MAP3K4: variants seen among roughly 807,000 people sequenced by gnomAD.
MAP3K4 encodes MAP three kinase 1.
Under a neutral mutation model 185.6 loss-of-function variants are expected in MAP3K4, and 67 were observed. The observed-to-expected ratio is 0.36, with a 90% CI of 0.30 to 0.44. The LOEUF (loss-of-function observed/expected upper bound fraction) is 0.44. MAP3K4 is among the 20% of genes least tolerant of loss of function. MAP3K4 has a pLI of 1.00. For missense variants in MAP3K4, 1,551 were observed against 1,995.1 expected (o/e 0.78, Z 4.24); for synonymous variants, 702 against 710.4 (o/e 0.99, Z 0.19).
In MAP3K4 at chr6:161,077,131, G is replaced by GAGATTAC. The variant is rs1785213040; in HGVS notation, c.2097+3524_2097+3525insACAGATT. Among the ~76,000 whole-genome samples the GAGATTAC allele has an allele frequency of 6.6e-6, 1 of 152,090 alleles. No homozygotes were observed. Among genetic ancestry groups the GAGATTAC allele is most frequent in the Non-Finnish European group, 1.5e-5 (1 of 68,032 alleles). On this transcript the variant is annotated intron_variant, in intron 5 of 26. Coordinates refer to ENST00000392142, the MANE Select transcript of MAP3K4 (RefSeq NM_005922.4). The surrounding 1 kb of genome is among the most constrained non-coding windows in gnomAD (Gnocchi z 4.3). ...CTATATATTGTAGTTTCTGTAATAA[G>GAGATTAC]AGATTGTTTTAAAAAGCGTATAGAC...
intron 1 of MAP3K4, among the ~76,000 whole-genome samples, chr6:161,028,102 C>A (rs767310757): frequency 6.6e-6 from 1 of 152,226 alleles, no homozygotes. Flanking sequence ...AAAGCAGTCA[C>A]AAAGTCATTC....
intron 2 of MAP3K4, among the ~76,000 whole-genome samples, chr6:161,035,691 C>T (rs1006386277): frequency 6.6e-6 from 1 of 152,154 alleles, no homozygotes; most frequent in Non-Finnish European, 1.5e-5. Context: ...TACATTTTCT[C>T]AAAGAAATTT....
chr6:161,033,677 G>A (rs1421433014), intron 1 of MAP3K4, among the ~76,000 whole-genome samples: 1 of 152,040 alleles, frequency 6.6e-6, no homozygotes, highest in Non-Finnish European at 1.5e-5. Flanking sequence ...CATAATGTCT[G>A]CACTGTAATT....
At chr6:161,052,201 C>T in intron 3 of MAP3K4, among the ~76,000 whole-genome samples, 1 of 146,592 alleles carries the variant, frequency 6.8e-6, no homozygotes, top group Non-Finnish European at 1.5e-5. Flanking sequence ...TCTCCAGGCT[C>T]TTCGTGGTGA....
In MAP3K4 at chr6:161,061,567, A is replaced by G. The variant is rs547907203; in HGVS notation, c.1708-9041A>G. ...CATCCTCACTGTGTAACTTTGGAAC[A>G]TTTTCATTGCCCCTAAAAGAAGTCC... On this transcript the variant is annotated intron_variant, in intron 3 of 26. Coordinates refer to ENST00000392142, the MANE Select transcript of MAP3K4 (RefSeq NM_005922.4). The surrounding 1 kb of genome is among the most constrained non-coding windows in gnomAD (Gnocchi z 4.2). Among the ~76,000 whole-genome samples, 1 of 152,308 alleles carries G rather than the reference A, an allele frequency of 6.6e-6. No individual in the cohort carries two copies. Among genetic ancestry groups the G allele is most frequent in the Admixed American group, 6.5e-5 (1 of 15,296 alleles).
At chr6:161,010,304 G>A (rs911891404) in intron 1 of MAP3K4, among the ~76,000 whole-genome samples, 4 of 152,014 alleles carry the variant, frequency 2.6e-5, no homozygotes, top group Admixed American at 2.0e-4. Context: ...TCATAAAATT[G>A]TATGCTTATC....
intron 3 of MAP3K4, among the ~76,000 whole-genome samples, chr6:161,069,477 C>T (rs780273413): frequency 6.6e-6 from 1 of 151,996 alleles, no homozygotes; most frequent in Non-Finnish European, 1.5e-5. Flanking sequence ...GAGAGTGTCA[C>T]GTGGAGGCAG....
In MAP3K4 at chr6:161,043,712, AGT is replaced by A. The variant is rs1783595465; in HGVS notation, c.344-4902_344-4901del. Among the ~76,000 whole-genome samples, 1 of 152,248 alleles carries A rather than the reference AGT, an allele frequency of 6.6e-6. No homozygotes were observed. Among genetic ancestry groups the A allele is most frequent in the South Asian group, 2.1e-4 (1 of 4,830 alleles). ...GATACGTGCACTTTAGCAGGAACGC[AGT>A]GATTTCGAACATACACTGAAATTTG... On this transcript the variant is annotated intron_variant, in intron 2 of 26. Coordinates refer to ENST00000392142, the MANE Select transcript of MAP3K4 (RefSeq NM_005922.4). This position sits in a 1 kb window ranked among gnomAD's most constrained non-coding sequence, Gnocchi z 4.3.
chr6:161,045,737 G>T (rs1783702156), intron 2 of MAP3K4, among the ~76,000 whole-genome samples: 1 of 152,100 alleles, frequency 6.6e-6, no homozygotes, highest in African/African-American at 2.4e-5. Flanking sequence ...ATTATAAATT[G>T]TATGCAGATA....
Position 161,049,618 on chromosome 6 carries a change from G to C in MAP3K4, c.1346G>C (p.Gly449Ala). Residue 449 changes from glycine (G) to alanine (A), a missense_variant, in exon 3 of 27, where the codon GGA (glycine) becomes GCA (alanine). Coordinates refer to ENST00000392142, the MANE Select transcript of MAP3K4 (RefSeq NM_005922.4). This position sits in a 1 kb window ranked among gnomAD's most constrained non-coding sequence, Gnocchi z 8.4. ...EPEYEGDDTE[G>A]ELKELESSTD... The stretch of plus-strand genomic sequence containing the variant: ...GAGTATGAGGGTGATGACACAGAAG[G>C]AGAATTAAAGGAGTTGGAAAGTAGT... 1 of 1,614,174 alleles carries C rather than the reference G, an allele frequency of 6.2e-7. No individual in the cohort carries two copies. The highest frequency in any genetic ancestry group is 2.2e-5 in the East Asian group (1 of 44,882).
In MAP3K4 at chr6:161,100,349, C is replaced by G. The variant is rs371176626; in HGVS notation, c.3675-1543C>G. 6.6e-6 allele frequency among the ~76,000 whole-genome samples: 1 copy of G among 152,182 alleles called. No individual in the cohort carries two copies. The highest frequency in any genetic ancestry group is 2.4e-5 in the African/African-American group (1 of 41,444). On this transcript the variant is annotated intron_variant, in intron 17 of 26. Coordinates refer to ENST00000392142, the MANE Select transcript of MAP3K4 (RefSeq NM_005922.4). This position sits in a 1 kb window ranked among gnomAD's most constrained non-coding sequence, Gnocchi z 5.8. ...ACAGCCATGGGGTGTAGCCCTTGCC[C>G]GTCTTACAGATACATCAAAGTTCAA...
chr6:160,994,503 A>G (rs1177130756), intron 1 of MAP3K4, among the ~76,000 whole-genome samples: 1 of 152,112 alleles, frequency 6.6e-6, no homozygotes, highest in African/African-American at 2.4e-5. Flanking sequence ...CATGGTGTAT[A>G]TATGCCACAT....
At chr6:161,006,637 A>T (rs1406300776) in intron 1 of MAP3K4, among the ~76,000 whole-genome samples, 1 of 152,194 alleles carries the variant, frequency 6.6e-6, no homozygotes, top group Non-Finnish European at 1.5e-5. Context: ...AGCCAGTCAG[A>T]ATTGAGCTCT....
At chr6:161,041,499 C>G (rs970557018) in intron 2 of MAP3K4, among the ~76,000 whole-genome samples, 4 of 152,310 alleles carry the variant, frequency 2.6e-5, no homozygotes, top group Admixed American at 1.3e-4. Context: ...GGACTTGCCT[C>G]TAGGGGCTCA....
chr6:161,061,841 TTTG>T lies in MAP3K4; in HGVS notation c.1708-8763_1708-8761del, dbSNP rs1324900309. 2.0e-5 allele frequency among the ~76,000 whole-genome samples: 3 copies of T among 152,212 alleles called. No homozygotes were observed. The highest frequency in any genetic ancestry group is 7.2e-5 in the African/African-American group (3 of 41,448). ...ATTCCATTGTATGGCTATACCACGTTTTGTTGATCTATTCATAGATTTCTTAAA... is the reference window on the plus strand; with the variant it reads ...ATTCCATTGTATGGCTATACCACGTTTTGATCTATTCATAGATTTCTTAAA... On this transcript the variant is annotated intron_variant, in intron 3 of 26. Coordinates refer to ENST00000392142, the MANE Select transcript of MAP3K4 (RefSeq NM_005922.4). The surrounding 1 kb of genome is among the most constrained non-coding windows in gnomAD (Gnocchi z 4.2).
intron 1 of MAP3K4, among the ~76,000 whole-genome samples, chr6:160,997,930 C>A (rs1052118586): frequency 5.3e-5 from 8 of 152,158 alleles, no homozygotes; most frequent in African/African-American, 1.9e-4. Flanking sequence ...GAGCTAGCTT[C>A]CTGAAGCTCC....
At chr6:161,005,132 A>G (rs1781519556) in intron 1 of MAP3K4, among the ~76,000 whole-genome samples, 1 of 151,726 alleles carries the variant, frequency 6.6e-6, no homozygotes, top group African/African-American at 2.4e-5. Flanking sequence ...ACACAAAAGT[A>G]TATAAACTTT....
At chr6:161,058,076 G>A (rs923458329) in intron 3 of MAP3K4, among the ~76,000 whole-genome samples, 1 of 152,240 alleles carries the variant, frequency 6.6e-6, no homozygotes, top group Non-Finnish European at 1.5e-5. Flanking sequence ...GCAAGGAAGA[G>A]GGCTAAGTAA....
In MAP3K4 at chr6:161,087,504, TCTC is replaced by T. The variant is rs1294571581; in HGVS notation, c.2557-175_2557-173del. On this transcript the variant is annotated intron_variant, in intron 9 of 26. Coordinates refer to ENST00000392142, the MANE Select transcript of MAP3K4 (RefSeq NM_005922.4). The surrounding 1 kb of genome is among the most constrained non-coding windows in gnomAD (Gnocchi z 4.9). ...CCTCTCCTCCAGTGCGTTCACAGAC[TCTC>T]CTCCTCCTGCCTCCTTCAGTCACAC... Among the ~76,000 whole-genome samples, 3 of 152,050 alleles carry T rather than the reference TCTC, an allele frequency of 2.0e-5. No individual in the cohort carries two copies. The highest frequency in any genetic ancestry group is 4.4e-5 in the Non-Finnish European group (3 of 67,996).
Sources: gnomAD v4.1 joint callset for allele counts (sites outside exome capture counted in the v4.1 genomes callset) on GRCh38, gnomAD v4.1.1 for gene constraint, Gnocchi (gnomAD v3.1) non-coding constraint, MANE v1.5 for transcripts, NCBI Gene and HGNC (gene_info 2026-07-23, HGNC 2026-07-21) for gene names.